The following CHL1 variants were observed in gnomAD, a reference collection of about 807,000 sequenced individuals.
CHL1 encodes neural cell adhesion molecule L1-like protein.
A neutral mutation model predicts 141.9 loss-of-function variants in CHL1; 96 were observed. The observed-to-expected ratio is 0.68, with a 90% CI of 0.57 to 0.80. The LOEUF (loss-of-function observed/expected upper bound fraction) is 0.80, where lower values mean the gene tolerates loss of function less well. Ranked by LOEUF, CHL1 falls within the 30% of genes least tolerant of loss-of-function variation. The probability of loss-of-function intolerance (pLI) is 0.00; values close to 1 mark genes in which losing one functional copy is unlikely to be tolerated. For synonymous variants in CHL1, 613 were observed against 502.2 expected (o/e 1.22, Z -2.95); for missense variants, 1,820 against 1,457.2 (o/e 1.25, Z -4.05).
chr3:266,185 T>C (rs563412114), intron 2 of CHL1, among the ~76,000 whole-genome samples: 43 of 152,302 alleles, frequency 2.8e-4, no homozygotes, highest in Non-Finnish European at 5.6e-4. Flanking sequence ...CTTGGTCCTA[T>C]AGCTGTGGCA....
chr3:368,517 A>G (rs1051058049), intron 15 of CHL1, among the ~76,000 whole-genome samples: 9 of 152,170 alleles, frequency 5.9e-5, no homozygotes, highest in Non-Finnish European at 1.3e-4. Flanking sequence ...GGGTAGTTGT[A>G]AAAATTTTCT....
At position 391,090 on chromosome 3, in the gene CHL1, G is replaced by C; in HGVS notation, c.2722G>C (p.Val908Leu). 1 of 1,613,946 alleles carries C rather than the reference G, an allele frequency of 6.2e-7. No homozygotes were observed. Among genetic ancestry groups the C allele is most frequent in the Non-Finnish European group, 8.5e-7 (1 of 1,179,820 alleles). ...TGCCTTTAGTGAATTTCATTTAACAGTCTTAGCCTATAACTCTAAAGGAGC... is the reference window on the plus strand; with the variant it reads ...TGCCTTTAGTGAATTTCATTTAACACTCTTAGCCTATAACTCTAAAGGAGC... ...LDAFSEFHLTVLAYNSKGAGP... is the reference protein window; with the variant it reads ...LDAFSEFHLTLLAYNSKGAGP... The change falls in exon 22 of 28, where the codon GTC becomes CTC. Residue 908 changes from valine to leucine, a missense_variant. Physicochemically the swap from Val to Leu is conservative, Grantham distance 32. Coordinates refer to ENST00000256509, the MANE Select transcript of CHL1 (RefSeq NM_006614.4).
intron 2 of CHL1, among the ~76,000 whole-genome samples, chr3:306,747 C>G (rs959600593): frequency 6.6e-6 from 1 of 151,864 alleles, no homozygotes; most frequent in African/African-American, 2.4e-5. Flanking sequence ...ATAAAAAAAT[C>G]AAAGGTGAGA....
intron 23 of CHL1, among the ~76,000 whole-genome samples, chr3:392,093 A>C (rs541350362): frequency 3.3e-5 from 5 of 152,360 alleles, no homozygotes; most frequent in Admixed American, 6.5e-5. Context: ...TACACAGCCT[A>C]CAAAGGCTAA....
chr3:348,672 T>A (rs1702971724), intron 9 of CHL1, among the ~76,000 whole-genome samples: 2 of 152,184 alleles, frequency 1.3e-5, no homozygotes, highest in South Asian at 2.1e-4. Flanking sequence ...CTTTCCTGTT[T>A]GTTTTGACTG....
At chr3:368,302 A>G (rs1339072559) in intron 15 of CHL1, among the ~76,000 whole-genome samples, 1 of 152,136 alleles carries the variant, frequency 6.6e-6, no homozygotes, top group East Asian at 1.9e-4. Context: ...GACTGGCATG[A>G]GATGGTATCT....
intron 2 of CHL1, among the ~76,000 whole-genome samples, chr3:256,478 G>C (rs1559344693): frequency 1.3e-5 from 2 of 152,302 alleles, no homozygotes; most frequent in African/African-American, 4.8e-5. Flanking sequence ...TTTTCAACCA[G>C]GAGTGATTTC....
At chr3:341,250 T>C (rs1200360868) in intron 6 of CHL1, among the ~76,000 whole-genome samples, 2 of 152,188 alleles carry the variant, frequency 1.3e-5, no homozygotes, top group Non-Finnish European at 2.9e-5. Context: ...TGCTTAATTT[T>C]CTAAAAGGTT....
intron 2 of CHL1, among the ~76,000 whole-genome samples, chr3:269,872 C>T (rs1270974147): frequency 2.0e-5 from 3 of 152,096 alleles, no homozygotes; most frequent in Non-Finnish European, 2.9e-5. Flanking sequence ...GTTGCTGGTA[C>T]CTCATCTAAG....
chr3:277,630 A>G (rs1036477965), intron 2 of CHL1, among the ~76,000 whole-genome samples: 10 of 152,232 alleles, frequency 6.6e-5, no homozygotes, highest in Non-Finnish European at 1.3e-4. Flanking sequence ...ATGCAAAAAA[A>G]GGGCATTCAG....
rs75645431 is a variant in CHL1, at chr3:315,938, G to T, written c.-94-3745G>T. Reference sequence around the variant, plus strand: ...GAGAGAGGGGCTTCCCAGAGGAAAAGGCTGGCCTGCTGCGGATGCACTATA... The same window carrying T: ...GAGAGAGGGGCTTCCCAGAGGAAAATGCTGGCCTGCTGCGGATGCACTATA... On this transcript the variant is annotated intron_variant, in intron 2 of 27. Coordinates refer to ENST00000256509, the MANE Select transcript of CHL1 (RefSeq NM_006614.4). Among the ~76,000 whole-genome samples the T allele has an allele frequency of 6.6e-5, 10 of 152,192 alleles. No individual in the cohort carries two copies. In the East Asian group the frequency reaches 1.9e-3, roughly 30 times the overall value.
intron 19 of CHL1, among the ~76,000 whole-genome samples, chr3:387,258 C>A (rs1410389375): frequency 6.6e-6 from 1 of 152,184 alleles, no homozygotes; most frequent in African/African-American, 2.4e-5. Flanking sequence ...TCTAGAGATT[C>A]CTACACCCCA....
At chr3:319,613 AGGTATTT>A in intron 2 of CHL1, 63 bp from the exon 3 acceptor site, 122 of 491,898 alleles carry the variant, frequency 2.5e-4, no homozygotes, top group East Asian at 5.6e-4. Flanking sequence ...AAAAAAAAGA[AGGTATTT>A]AATTTGTTCT....
intron 5 of CHL1, chr3:328,556 G>A (rs1701190375): frequency 4.6e-6 from 2 of 434,234 alleles, no homozygotes; most frequent in African/African-American, 4.1e-5. Flanking sequence ...ATTTGACTCT[G>A]TTTCAGTAAC....
At chr3:340,669 C>G in intron 5 of CHL1, 125 bp from the exon 6 acceptor site, 2 of 754,896 alleles carry the variant, frequency 2.6e-6, no homozygotes, top group Non-Finnish European at 4.2e-6. Context: ...ATGTAAGAAC[C>G]AGGATCTGTA....
chr3:314,111 G>A (rs772576725), intron 2 of CHL1, among the ~76,000 whole-genome samples: 1 of 151,610 alleles, frequency 6.6e-6, no homozygotes, highest in African/African-American at 2.4e-5. Flanking sequence ...TATTTTAGAT[G>A]TATGGCAGCA....
At chr3:257,239 A>T (rs1035336119) in intron 2 of CHL1, among the ~76,000 whole-genome samples, 2 of 152,078 alleles carry the variant, frequency 1.3e-5, no homozygotes, top group Non-Finnish European at 2.9e-5. Flanking sequence ...AAAAAAATTT[A>T]GTTCTCTTTC....
chr3:274,092 C>T (rs1391839502), intron 2 of CHL1, among the ~76,000 whole-genome samples: 3 of 152,194 alleles, frequency 2.0e-5, no homozygotes, highest in African/African-American at 7.2e-5. Context: ...AGTTTCTGTT[C>T]TCCATGCCAG....
intron 2 of CHL1, among the ~76,000 whole-genome samples, chr3:314,470 C>T (rs1005220628): frequency 1.3e-5 from 2 of 151,084 alleles, no homozygotes; most frequent in African/African-American, 2.4e-5. Context: ...AACACTGATT[C>T]AATAAAGGAA....
Sources: allele counts gnomAD v4.1 joint callset (sites outside exome capture counted in the v4.1 genomes callset), GRCh38; gene constraint gnomAD v4.1.1; transcripts MANE v1.5; gene names NCBI Gene and HGNC (gene_info 2026-07-23, HGNC 2026-07-21).